Variants in BCKDHB observed in about 807,000 individuals in gnomAD.
The protein encoded by BCKDHB is 2-oxoisovalerate dehydrogenase subunit beta, mitochondrial.
In BCKDHB, 41 loss-of-function variants were observed where a neutral mutation model predicts 48.5. The observed-to-expected ratio is 0.85, with a 90% CI of 0.66 to 1.10. The LOEUF (loss-of-function observed/expected upper bound fraction) is 1.10, where lower values mean the gene tolerates loss of function less well. Ranked by LOEUF, BCKDHB falls within the 50% of genes least tolerant of loss-of-function variation. The pLI, the probability that BCKDHB is intolerant of heterozygous loss-of-function variation, is 0.00. For missense variants in BCKDHB, 496 were observed against 494.2 expected (o/e 1.00, Z -0.03); for synonymous variants, 201 against 174.8 (o/e 1.15, Z -1.18).
chr6:80,357,250 C>T, the BCKDHB span, among the ~76,000 whole-genome samples: 2 of 152,066 alleles, frequency 1.3e-5, no homozygotes, highest in Admixed American at 1.3e-4. Context: ...CCTGAAGGAG[C>T]AAGGAGGAGG....
rs145150150 is a variant in BCKDHB at position 80,200,980 on chromosome 6, C to T, written c.789C>T (p.Ala263=). 55 of 1,612,790 alleles carry T rather than the reference C, an allele frequency of 3.4e-5. No individual in the cohort carries two copies. Among genetic ancestry groups the T allele is most frequent in the South Asian group, 2.6e-4 (24 of 91,048 alleles). The change falls in exon 7 of 10, where the codon GCC becomes GCT. Residue 263 remains alanine (A), a synonymous_variant. Coordinates refer to ENST00000320393, the MANE Select transcript of BCKDHB (RefSeq NM_183050.4). ...IEPYNIPLSQ[A]EVIQEGSDVT... Reference sequence around the variant, plus strand: ...CATACAACATCCCACTGTCCCAGGCCGAAGTCATACAGGAAGGGAGTGATG... The same window carrying T: ...CATACAACATCCCACTGTCCCAGGCTGAAGTCATACAGGAAGGGAGTGATG...
intron 3 of BCKDHB, among the ~76,000 whole-genome samples, chr6:80,141,200 CTTT>C (rs778618306): frequency 6.6e-6 from 1 of 151,724 alleles, no homozygotes; most frequent in African/African-American, 2.4e-5. Context: ...CTCTTTTCTT[CTTT>C]ATTAGTCTTG....
chr6:80,287,188 G>A (rs1766666851), intron 9 of BCKDHB, among the ~76,000 whole-genome samples: 1 of 152,134 alleles, frequency 6.6e-6, no homozygotes, highest in African/African-American at 2.4e-5. Flanking sequence ...GAGATCCCAA[G>A]CTGGTAATGG....
chr6:80,456,461 G>A, the BCKDHB span, among the ~76,000 whole-genome samples: 38,014 of 151,970 alleles, frequency 0.25, 6,093 homozygotes, highest in East Asian at 0.57. Context: ...GTCTATTGTT[G>A]TTAGCTGGTT....
chr6:80,438,577 T>G, the BCKDHB span, among the ~76,000 whole-genome samples: 1 of 152,186 alleles, frequency 6.6e-6, no homozygotes, highest in Non-Finnish European at 1.5e-5. Context: ...AATTCCAAGA[T>G]TCCTCATACC....
chr6:80,400,484 G>A, the BCKDHB span, among the ~76,000 whole-genome samples: 4 of 151,860 alleles, frequency 2.6e-5, no homozygotes, highest in South Asian at 6.2e-4. Context: ...CAACATCACT[G>A]ATCATTAGAA....
downstream of BCKDHB, among the ~76,000 whole-genome samples, chr6:80,348,830 T>C (rs750615222): frequency 2.0e-5 from 3 of 152,124 alleles, no homozygotes; most frequent in Non-Finnish European, 4.4e-5. Context: ...ACTTGGGCCA[T>C]CAGGTTTGGA....
chr6:80,402,628 A>AT, the BCKDHB span, among the ~76,000 whole-genome samples: 4 of 151,568 alleles, frequency 2.6e-5, no homozygotes, highest in Non-Finnish European at 4.4e-5. Context: ...ACATTTGTTT[A>AT]TTTTTTGCTT....
intron 9 of BCKDHB, among the ~76,000 whole-genome samples, chr6:80,323,615 T>C (rs1037532468): frequency 6.6e-6 from 1 of 152,204 alleles, no homozygotes; most frequent in African/African-American, 2.4e-5. Context: ...CCCTTCAGTA[T>C]TTCCCTAACA....
rs186551465 is a variant in BCKDHB, at chr6:80,314,552, C to A, written c.1039-29112C>A. On this transcript the variant is annotated intron_variant, in intron 9 of 9. Coordinates refer to ENST00000320393, the MANE Select transcript of BCKDHB (RefSeq NM_183050.4). ...GCTGGAGACCCCAAGTGGGAGGACC[C>A]ACCCTCGAGGGGGATTTGTAACTCG... Among the ~76,000 whole-genome samples the A allele has an allele frequency of 1.0e-3, 155 of 152,360 alleles. 1 individual carries two copies. The highest frequency in any genetic ancestry group is 3.6e-3 in the African/African-American group (150 of 41,588).
At chr6:80,427,227 G>A in the BCKDHB span, among the ~76,000 whole-genome samples, 5 of 151,824 alleles carry the variant, frequency 3.3e-5, no homozygotes, top group Admixed American at 6.6e-5. Context: ...AGGTTTATTA[G>A]CGCTAATTCT....
At chr6:80,413,247 A>G in the BCKDHB span, among the ~76,000 whole-genome samples, 1 of 152,152 alleles carries the variant, frequency 6.6e-6, no homozygotes, top group Non-Finnish European at 1.5e-5. Context: ...TATTAGCAAA[A>G]AAAAGTTAAT....
the BCKDHB span, among the ~76,000 whole-genome samples, chr6:80,464,146 G>A: frequency 6.6e-6 from 1 of 151,844 alleles, no homozygotes; most frequent in African/African-American, 2.4e-5. Flanking sequence ...TTATTCTTTT[G>A]AAGTGGAGTC....
chr6:80,302,561 T>C (rs939980109), intron 9 of BCKDHB, among the ~76,000 whole-genome samples: 1 of 152,168 alleles, frequency 6.6e-6, no homozygotes, highest in Non-Finnish European at 1.5e-5. Context: ...ATGCTGACTT[T>C]CCTGGCAAAA....
chr6:80,216,052 A>G (rs978067629), intron 8 of BCKDHB, among the ~76,000 whole-genome samples: 2 of 152,176 alleles, frequency 1.3e-5, no homozygotes, highest in South Asian at 2.1e-4. Flanking sequence ...TGTATCTTAC[A>G]TAATAGGACT....
At chr6:80,109,071 C>A (rs1769280991) in intron 1 of BCKDHB, among the ~76,000 whole-genome samples, 1 of 152,088 alleles carries the variant, frequency 6.6e-6, no homozygotes, top group African/African-American at 2.4e-5. Flanking sequence ...AGAACTGTTC[C>A]ATGGAGTAGA....
the BCKDHB span, among the ~76,000 whole-genome samples, chr6:80,363,339 C>T: frequency 1.4e-3 from 212 of 152,256 alleles, 3 homozygotes; most frequent in East Asian, 0.031. Flanking sequence ...ATTTCTGAAA[C>T]GACTGAGATT....
At chr6:80,127,361 A>G in intron 1 of BCKDHB, 186 bp from the exon 2 acceptor site, 1 of 591,372 alleles carries the variant, frequency 1.7e-6, no homozygotes, top group Non-Finnish European at 3.0e-6. Flanking sequence ...ATTTTGCCCC[A>G]TTAACAAGCT....
chr6:80,327,013 A>G (rs1314973774), intron 9 of BCKDHB, among the ~76,000 whole-genome samples: 1 of 152,160 alleles, frequency 6.6e-6, no homozygotes, highest in East Asian at 1.9e-4. Flanking sequence ...TTATCGTAAG[A>G]TTCAGATTAG....
Sources: allele counts gnomAD v4.1 joint callset (sites outside exome capture counted in the v4.1 genomes callset), GRCh38; gene constraint gnomAD v4.1.1; transcripts MANE v1.5; gene names NCBI Gene and HGNC (gene_info 2026-07-23, HGNC 2026-07-21).